The following ARHGAP24 variants were observed in gnomAD, a reference collection of about 807,000 sequenced individuals.
The protein encoded by ARHGAP24 is Rho GTPase activating protein 24.
ARHGAP24 carries 50 observed loss-of-function variants against 76.4 expected under a neutral mutation model. That is an observed-to-expected ratio of 0.65 (90% CI 0.52 to 0.83). The LOEUF is 0.83. ARHGAP24 is among the 40% of genes least tolerant of loss of function. The pLI is 0.00. For synonymous variants in ARHGAP24, 345 were observed against 323.3 expected, an observed-to-expected ratio of 1.07 and a Z score of -0.72; for missense variants, 930 against 914.2, an observed-to-expected ratio of 1.02 and a Z score of -0.22.
chr4:85,502,934 T>G (rs1441987694), intron 1 of ARHGAP24, among the ~76,000 whole-genome samples: 2 of 152,254 alleles, frequency 1.3e-5, no homozygotes, highest in African/African-American at 4.8e-5. Context: ...TGAAGTGCTA[T>G]TGAATTTTGT....
intron 3 of ARHGAP24, among the ~76,000 whole-genome samples, chr4:85,841,695 T>G (rs765501648): frequency 1.3e-5 from 2 of 152,202 alleles, no homozygotes; most frequent in Non-Finnish European, 2.9e-5. Context: ...GAAATGATGG[T>G]GAGAATTGCT....
chr4:85,964,439 G>C (rs1738451293), intron 5 of ARHGAP24, among the ~76,000 whole-genome samples: 1 of 152,112 alleles, frequency 6.6e-6, no homozygotes, highest in Non-Finnish European at 1.5e-5. Context: ...ATATTATGTA[G>C]TCTTGTAGCA....
chr4:85,788,478 G>A (rs775104049), intron 3 of ARHGAP24, among the ~76,000 whole-genome samples: 1 of 152,080 alleles, frequency 6.6e-6, no homozygotes, highest in African/African-American at 2.4e-5. Context: ...TGAAGCTGGA[G>A]GGATTTCAAA....
At chr4:85,544,372 A>T (rs1725821690) in intron 1 of ARHGAP24, among the ~76,000 whole-genome samples, 1 of 152,154 alleles carries the variant, frequency 6.6e-6, no homozygotes. Context: ...CTGTTTAATT[A>T]TTCCTTTATT....
intron 2 of ARHGAP24, among the ~76,000 whole-genome samples, chr4:85,689,421 C>G (rs1723549572): frequency 6.6e-6 from 1 of 152,056 alleles, no homozygotes; most frequent in African/African-American, 2.4e-5. Flanking sequence ...GAGTCTTGCT[C>G]TGTCACCCAG....
At chr4:85,597,415 C>G (rs960297775) in intron 2 of ARHGAP24, among the ~76,000 whole-genome samples, 1 of 151,902 alleles carries the variant, frequency 6.6e-6, no homozygotes, top group Admixed American at 6.6e-5. Context: ...TGGAGAAGAG[C>G]AAAGTGATGC....
intron 1 of ARHGAP24, among the ~76,000 whole-genome samples, chr4:85,483,269 C>T (rs1251011899): frequency 2.0e-5 from 3 of 151,994 alleles, no homozygotes; most frequent in Non-Finnish European, 4.4e-5. Context: ...TTATGACCAA[C>T]ATTTCTTTTT....
intron 3 of ARHGAP24, among the ~76,000 whole-genome samples, chr4:85,894,099 T>TAAAAAA (rs11394803): frequency 3.4e-4 from 45 of 131,322 alleles, no homozygotes; most frequent in Middle Eastern, 3.9e-3. Flanking sequence ...TAGAGTATAA[T>TAAAAAA]AAAAAAAAAA....
intron 4 of ARHGAP24, among the ~76,000 whole-genome samples, chr4:85,934,060 G>A (rs1736497342): frequency 6.6e-6 from 1 of 152,130 alleles, no homozygotes; most frequent in Admixed American, 6.5e-5. Context: ...TTTCAAGACA[G>A]CATTCATCCT....
rs1560774217 is a variant in ARHGAP24 at position 85,995,163 on chromosome 4, G to T, written c.1509G>T (p.Trp503Cys). 1 of 1,614,008 alleles carries T rather than the reference G, an allele frequency of 6.2e-7. No homozygotes were observed. Among genetic ancestry groups the T allele is most frequent in the Non-Finnish European group, 8.5e-7 (1 of 1,180,032 alleles). ...CCACAAATGTTCGAAACATGAGCTGGCTGCCAAATGGCTATGTGACCCTGA... is the reference window on the plus strand; with the variant it reads ...CCACAAATGTTCGAAACATGAGCTGTCTGCCAAATGGCTATGTGACCCTGA... Reference protein sequence around the residue: ...GNPTNVRNMSWLPNGYVTLRD... With the variant: ...GNPTNVRNMSCLPNGYVTLRD... Residue 503 changes from tryptophan (W) to cysteine (C), a missense_variant, in exon 9 of 10, where the codon TGG (tryptophan) becomes TGT (cysteine). Coordinates refer to ENST00000395184, the MANE Select transcript of ARHGAP24 (RefSeq NM_001025616.3).
At chr4:85,641,555 G>C (rs1265206820) in intron 2 of ARHGAP24, among the ~76,000 whole-genome samples, 1 of 152,092 alleles carries the variant, frequency 6.6e-6, no homozygotes, top group East Asian at 1.9e-4. Flanking sequence ...TTTTCTCTCT[G>C]AGTCTGTGTC....
chr4:85,679,671 T>C (rs1723128906), intron 2 of ARHGAP24, among the ~76,000 whole-genome samples: 1 of 152,138 alleles, frequency 6.6e-6, no homozygotes. Context: ...TCATCTTCCC[T>C]GGAATCCTAT....
intron 1 of ARHGAP24, among the ~76,000 whole-genome samples, chr4:85,487,429 T>C (rs1317494656): frequency 3.7e-4 from 37 of 99,058 alleles, no homozygotes; most frequent in African/African-American, 1.3e-3. Context: ...ATTATATAAA[T>C]ATATAAATAT....
intron 2 of ARHGAP24, among the ~76,000 whole-genome samples, chr4:85,653,621 C>T (rs1424900261): frequency 1.3e-5 from 2 of 152,018 alleles, no homozygotes; most frequent in Non-Finnish European, 2.9e-5. Flanking sequence ...TTACAGGTGC[C>T]TGTCACTATC....
At chr4:85,606,750 C>T (rs1238974049) in intron 2 of ARHGAP24, among the ~76,000 whole-genome samples, 1 of 152,138 alleles carries the variant, frequency 6.6e-6, no homozygotes, top group Non-Finnish European at 1.5e-5. Context: ...CTCAAAGTCA[C>T]TCTTCTCACT....
At chr4:85,966,602 T>A (rs2148846837) in intron 5 of ARHGAP24, among the ~76,000 whole-genome samples, 1 of 152,270 alleles carries the variant, frequency 6.6e-6, no homozygotes, top group South Asian at 2.1e-4. Flanking sequence ...AGTCTGGAGC[T>A]GCTTAGTGTC....
At chr4:85,654,361 G>C (rs1336327775) in intron 2 of ARHGAP24, among the ~76,000 whole-genome samples, 1 of 152,066 alleles carries the variant, frequency 6.6e-6, no homozygotes, top group Admixed American at 6.6e-5. Context: ...CTCCTTAAAG[G>C]TTCTATCTCC....
chr4:85,784,213 A>G (rs565733446), intron 3 of ARHGAP24, among the ~76,000 whole-genome samples: 2 of 151,448 alleles, frequency 1.3e-5, no homozygotes, highest in African/African-American at 2.4e-5. Context: ...GTTTACCCTC[A>G]TGCTCTTCTT....
chr4:85,837,245 T>G (rs1014206207), intron 3 of ARHGAP24, among the ~76,000 whole-genome samples: 1 of 152,242 alleles, frequency 6.6e-6, no homozygotes, highest in Non-Finnish European at 1.5e-5. Flanking sequence ...GTTTCTTTTC[T>G]GCCAACCTGC....
Sources: gnomAD v4.1 joint callset for allele counts (sites outside exome capture counted in the v4.1 genomes callset) on GRCh38, gnomAD v4.1.1 for gene constraint, MANE v1.5 for transcripts, NCBI Gene and HGNC (gene_info 2026-07-23, HGNC 2026-07-21) for gene names.